Variants in LIMK1 observed in about 807,000 individuals in gnomAD.
LIMK1 encodes the protein LIM domain kinase 1, also known as LIM motif-containing protein kinase.
A neutral mutation model predicts 77.6 loss-of-function variants in LIMK1; 21 were observed. The observed-to-expected ratio is 0.27, with a 90% CI of 0.19 to 0.39. The LOEUF (loss-of-function observed/expected upper bound fraction) is 0.39, where lower values mean the gene tolerates loss of function less well. LIMK1 is among the 10% of genes least tolerant of loss of function. The pLI, the probability that LIMK1 is intolerant of heterozygous loss-of-function variation, is 1.00. For missense variants in LIMK1, 696 were observed against 901.6 expected (o/e 0.77, Z 2.92); for synonymous variants, 358 against 370.0 (o/e 0.97, Z 0.37).
At position 74,121,193 on chromosome 7, in the gene LIMK1, C is replaced by A. The variant is rs76051496; in HGVS notation, c.1836C>A (p.Ala612=). Residue 612 remains alanine, a synonymous_variant, in exon 16 of 16, where the codon GCC becomes GCA. Coordinates refer to ENST00000336180, the MANE Select transcript of LIMK1 (RefSeq NM_002314.4). ...TGGAGACCCTCCGCATGCACCTGGC[C>A]GGCCACCTGCCACTGGGCCCACAGC... ...HWLETLRMHL[A]GHLPLGPQLE... The A allele has an allele frequency of 1.7e-3, 2,759 of 1,612,386 alleles. 37 individuals carry two copies. In the African/African-American group the frequency reaches 0.03, roughly 18 times the overall value.
At chr7:74,094,872 C>T (rs1407272600) in intron 2 of LIMK1, among the ~76,000 whole-genome samples, 1 of 152,088 alleles carries the variant, frequency 6.6e-6, no homozygotes, top group Non-Finnish European at 1.5e-5. Context: ...TCCCCACCCC[C>T]ATGGAGGAAT....
intron 5 of LIMK1, among the ~76,000 whole-genome samples, chr7:74,104,113 A>C (rs1486881549): frequency 6.6e-6 from 1 of 151,726 alleles, no homozygotes; most frequent in Non-Finnish European, 1.5e-5. Context: ...AAAAAATGTC[A>C]TAGAGATGGG....
At chr7:74,090,179 A>T (rs1396775683) in intron 2 of LIMK1, among the ~76,000 whole-genome samples, 7 of 152,132 alleles carry the variant, frequency 4.6e-5, no homozygotes, top group Admixed American at 3.3e-4. Flanking sequence ...GTTTGAGACC[A>T]GTCTGGCCAA....
Position 74,091,883 on chromosome 7 carries a change from G to A in LIMK1, c.153-4739G>A, listed in dbSNP as rs782076051. ...ACTGAGGACCACAAAGCCAGCGTGCGGGAGTGCAGTCAGTGGCCAGGGGTG... is the reference window on the plus strand; with the variant it reads ...ACTGAGGACCACAAAGCCAGCGTGCAGGAGTGCAGTCAGTGGCCAGGGGTG... On this transcript the variant is annotated intron_variant, in intron 2 of 15. Coordinates refer to ENST00000336180, the MANE Select transcript of LIMK1 (RefSeq NM_002314.4). 9.2e-5 allele frequency among the ~76,000 whole-genome samples: 14 copies of A among 152,068 alleles called. No homozygotes were observed. In the East Asian group the frequency reaches 1.5e-3, roughly 17 times the overall value.
chr7:74,099,542 G>C (rs1480620161), intron 5 of LIMK1, among the ~76,000 whole-genome samples: 1 of 152,014 alleles, frequency 6.6e-6, no homozygotes, highest in Non-Finnish European at 1.5e-5. Flanking sequence ...ACCAGCCTGG[G>C]CAATGTGGTG....
intron 14 of LIMK1, 82 bp from the exon 15 acceptor site, chr7:74,120,810 C>A: frequency 1.3e-6 from 2 of 1,588,660 alleles, no homozygotes; most frequent in South Asian, 2.2e-5. Context: ...CCAGTGCCAC[C>A]TGCCCTCAAA....
chr7:74,093,584 A>G (rs1799279643), intron 2 of LIMK1, among the ~76,000 whole-genome samples: 2 of 152,110 alleles, frequency 1.3e-5, no homozygotes, highest in Non-Finnish European at 2.9e-5. Context: ...TCATTATGGA[A>G]GCCACCGCTG....
At chr7:74,092,198 T>C (rs1799251564) in intron 2 of LIMK1, among the ~76,000 whole-genome samples, 1 of 152,170 alleles carries the variant, frequency 6.6e-6, no homozygotes, top group Non-Finnish European at 1.5e-5. Context: ...ACTCCTGACC[T>C]CAAGCGATCT....
At chr7:74,109,194 TC>T in intron 10 of LIMK1, 158 bp downstream of exon 10, 2 of 656,418 alleles carry the variant, frequency 3.0e-6, no homozygotes, top group South Asian at 3.1e-5. Context: ...AGCGACTGAC[TC>T]CATCTAAAGC....
intron 10 of LIMK1, 118 bp from the exon 11 acceptor site, chr7:74,111,530 G>T: frequency 1.3e-6 from 1 of 775,656 alleles, no homozygotes. Context: ...AAATCGGGGT[G>T]TTGGGGAGCC....
At chr7:74,119,574 A>G (rs1202365306) in intron 13 of LIMK1, among the ~76,000 whole-genome samples, 2 of 151,882 alleles carry the variant, frequency 1.3e-5, no homozygotes, top group African/African-American at 4.8e-5. Flanking sequence ...CAGTTTCCTG[A>G]GGTTGCTGTA....
chr7:74,101,049 A>G (rs548267039), intron 5 of LIMK1, among the ~76,000 whole-genome samples: 21 of 152,244 alleles, frequency 1.4e-4, no homozygotes, highest in Middle Eastern at 3.4e-3. Context: ...ACCAAGTGCT[A>G]GCTTTCATTT....
intron 1 of LIMK1, 62 bp downstream of exon 1, chr7:74,084,107 A>C: frequency 2.1e-6 from 2 of 964,482 alleles, no homozygotes; most frequent in South Asian, 1.8e-5. Flanking sequence ...AGCGTGGGGC[A>C]CGGGAGGGGG....
At position 74,097,107 on chromosome 7, in the gene LIMK1, G is replaced by GC; in HGVS notation, c.319_320insC (p.Glu107AlafsTer14). 6.2e-7 allele frequency: 1 copy of GC among 1,613,568 alleles called. No homozygotes were observed. Among genetic ancestry groups the GC allele is most frequent in the Non-Finnish European group, 8.5e-7 (1 of 1,179,816 alleles). On this transcript the variant is annotated frameshift_variant, in exon 4 of 16. Coordinates refer to ENST00000336180, the MANE Select transcript of LIMK1 (RefSeq NM_002314.4). LOFTEE classifies it high-confidence loss of function. ...GGCTGGGGAGCTGAAGTACCACCCC[G>GC]AGTGTTTCATCTGCCTCACGTGTGG...
At chr7:74,088,476 C>T (rs536770469) in intron 2 of LIMK1, among the ~76,000 whole-genome samples, 3 of 152,192 alleles carry the variant, frequency 2.0e-5, no homozygotes, top group South Asian at 2.1e-4. Flanking sequence ...GAGACCGATT[C>T]GTGAAGGGCC....
chr7:74,084,808 C>G (rs1261935736), intron 1 of LIMK1, among the ~76,000 whole-genome samples: 1 of 152,192 alleles, frequency 6.6e-6, no homozygotes, highest in Non-Finnish European at 1.5e-5. Flanking sequence ...CTCCTTGGAT[C>G]TCCTTCGCTG....
At position 74,121,466 on chromosome 7, in the gene LIMK1, T is replaced by C; in HGVS notation, c.*165T>C. 1 of 684,000 alleles carries C rather than the reference T, an allele frequency of 1.5e-6. No homozygotes were observed. Among genetic ancestry groups the C allele is most frequent in the South Asian group, 2.1e-5 (1 of 47,880 alleles). 42.4% of individuals were successfully genotyped at this position (684,000 alleles called of 1,614,324 possible). On this transcript the variant is annotated 3_prime_UTR_variant, in exon 16 of 16. Coordinates refer to ENST00000336180, the MANE Select transcript of LIMK1 (RefSeq NM_002314.4). Reference sequence around the variant, plus strand: ...ACCCCGTGGACCGCTTCCCCTGCCTTCTCTCTGCCGTGGCCCAGAGCCGGC... The same window carrying C: ...ACCCCGTGGACCGCTTCCCCTGCCTCCTCTCTGCCGTGGCCCAGAGCCGGC...
chr7:74,084,419 C>T (rs1799091752), intron 1 of LIMK1, among the ~76,000 whole-genome samples: 1 of 152,210 alleles, frequency 6.6e-6, no homozygotes, highest in Non-Finnish European at 1.5e-5. Flanking sequence ...CTGGGGAAGC[C>T]GCAGCCCCGG....
intron 2 of LIMK1, among the ~76,000 whole-genome samples, chr7:74,094,843 G>A (rs1212327121): frequency 1.3e-5 from 2 of 150,826 alleles, no homozygotes; most frequent in Non-Finnish European, 2.9e-5. Flanking sequence ...CACCACCTCC[G>A]GTGGCCCAGC....
Sources: allele counts gnomAD v4.1 joint callset (sites outside exome capture counted in the v4.1 genomes callset), GRCh38; gene constraint gnomAD v4.1.1; transcripts MANE v1.5; gene names NCBI Gene and HGNC (gene_info 2026-07-23, HGNC 2026-07-21).